ZNF804A: variants seen among roughly 807,000 people sequenced by gnomAD.
ZNF804A encodes the protein zinc finger protein 804A.
A neutral mutation model predicts 16.5 loss-of-function variants in ZNF804A; 2 were observed. The ratio of observed to expected loss-of-function variants is 0.12; its 90% CI spans 0.05 to 0.38. The LOEUF is 0.38. ZNF804A is among the 10% of genes least tolerant of loss of function. ZNF804A has a pLI of 0.99. For missense variants in ZNF804A, 1,473 were observed against 1,390.7 expected (o/e 1.06, Z -0.94); for synonymous variants, 534 against 489.6 (o/e 1.09, Z -1.20).
chr2:184,740,284 T>C (rs549304347), intron 1 of ZNF804A, among the ~76,000 whole-genome samples: 1 of 152,192 alleles, frequency 6.6e-6, no homozygotes, highest in Non-Finnish European at 1.5e-5. Flanking sequence ...GGTGAATATA[T>C]TTTAGAAATG....
At chr2:184,667,185 C>T (rs1321291345) in intron 1 of ZNF804A, among the ~76,000 whole-genome samples, 3 of 151,856 alleles carry the variant, frequency 2.0e-5, no homozygotes, top group Non-Finnish European at 4.4e-5. Flanking sequence ...GCCTTTAAGA[C>T]ATTCTTACTG....
chr2:184,743,525 A>G (rs1693739342), intron 1 of ZNF804A, among the ~76,000 whole-genome samples: 1 of 151,964 alleles, frequency 6.6e-6, no homozygotes, highest in Non-Finnish European at 1.5e-5. Flanking sequence ...ATTTTAAACA[A>G]ATGAAAGATA....
chr2:184,665,570 G>T (rs982392393), intron 1 of ZNF804A, among the ~76,000 whole-genome samples: 4 of 152,154 alleles, frequency 2.6e-5, no homozygotes, highest in African/African-American at 9.6e-5. Context: ...CAGAAATCTG[G>T]CACAGAATAA....
rs948731094 is a variant in ZNF804A, at chr2:184,904,305, T to C, written c.256-29298T>C. On this transcript the variant is annotated intron_variant, in intron 2 of 3. Coordinates refer to ENST00000302277, the MANE Select transcript of ZNF804A (RefSeq NM_194250.2). The stretch of plus-strand genomic sequence containing the variant: ...AAAAAATTTTTATTAATTTTGCATG[T>C]TACAGATAAGGAAACTAGTTAAACA... Among the ~76,000 whole-genome samples the C allele has an allele frequency of 2.1e-4, 32 of 152,106 alleles. 1 individual carries two copies. Among genetic ancestry groups the C allele is most frequent in the Admixed American group, 1.9e-3 (29 of 15,250 alleles).
chr2:184,866,603 TATTTA>T (rs1695880556), intron 2 of ZNF804A, 91 bp downstream of exon 2: 5 of 1,111,934 alleles, frequency 4.5e-6, no homozygotes, highest in Non-Finnish European at 3.7e-6. Context: ...ATGATATTCT[TATTTA>T]ATTTAATTTG....
At chr2:184,706,958 C>T (rs1693040103) in intron 1 of ZNF804A, among the ~76,000 whole-genome samples, 1 of 152,124 alleles carries the variant, frequency 6.6e-6, no homozygotes, top group African/African-American at 2.4e-5. Context: ...TTTAGTAAAG[C>T]ATATCAGCTT....
At position 184,618,546 on chromosome 2, in the gene ZNF804A, C is replaced by T. The variant is rs145960528; in HGVS notation, c.111+19476C>T. ...TAGGTCTCCATATCCATAGGTTTCA[C>T]AGGGCCTACCATGGAACGTTAGCAT... On this transcript the variant is annotated intron_variant, in intron 1 of 3. Coordinates refer to ENST00000302277, the MANE Select transcript of ZNF804A (RefSeq NM_194250.2). 3.6e-3 allele frequency among the ~76,000 whole-genome samples: 541 copies of T among 152,210 alleles called. 6 individuals are homozygous for T. The highest frequency in any genetic ancestry group is 0.012 in the African/African-American group (519 of 41,534).
chr2:184,692,247 G>A (rs933021458), intron 1 of ZNF804A, among the ~76,000 whole-genome samples: 1 of 152,156 alleles, frequency 6.6e-6, no homozygotes, highest in Non-Finnish European at 1.5e-5. Flanking sequence ...CGCACACACT[G>A]ATTCAGCACT....
At chr2:184,778,067 G>C (rs536195793) in intron 1 of ZNF804A, among the ~76,000 whole-genome samples, 1 of 151,620 alleles carries the variant, frequency 6.6e-6, no homozygotes, top group Admixed American at 6.6e-5. Flanking sequence ...TTCTACATTG[G>C]AATAAAAATA....
chr2:184,931,720 A>G (rs1043690183), intron 2 of ZNF804A, among the ~76,000 whole-genome samples: 1 of 152,162 alleles, frequency 6.6e-6, no homozygotes, highest in African/African-American at 2.4e-5. Flanking sequence ...ACTTATGCAA[A>G]TTTCCGCAGC....
intron 1 of ZNF804A, among the ~76,000 whole-genome samples, chr2:184,732,387 T>C (rs1693535199): frequency 6.6e-6 from 1 of 152,166 alleles, no homozygotes; most frequent in South Asian, 2.1e-4. Flanking sequence ...TCATGTTTCA[T>C]TGATCTATTT....
chr2:184,751,513 C>T (rs563237602), intron 1 of ZNF804A, among the ~76,000 whole-genome samples: 17 of 151,334 alleles, frequency 1.1e-4, no homozygotes, highest in African/African-American at 3.6e-4. Context: ...AAAATAGGCA[C>T]GTGACACTAC....
intron 1 of ZNF804A, among the ~76,000 whole-genome samples, chr2:184,607,407 A>G (rs1691166983): frequency 6.6e-6 from 1 of 152,150 alleles, no homozygotes; most frequent in Non-Finnish European, 1.5e-5. Context: ...AGGGGAAGCA[A>G]ACACACCCTT....
At position 184,740,449 on chromosome 2, in the gene ZNF804A, G is replaced by A. The variant is rs115796074; in HGVS notation, c.112-125920G>A. ...GACTGCACTTTGATTTTCTGATGAC[G>A]CTGAAGAACATGTCTCAAAACTCAG... On this transcript the variant is annotated intron_variant, in intron 1 of 3. Coordinates refer to ENST00000302277, the MANE Select transcript of ZNF804A (RefSeq NM_194250.2). Among the ~76,000 whole-genome samples the A allele has an allele frequency of 9.1e-3, 1,380 of 152,240 alleles. 23 individuals carry two copies. Among genetic ancestry groups the A allele is most frequent in the African/African-American group, 0.032 (1,318 of 41,542 alleles).
chr2:184,646,339 AGGTCCAGCTT>A (rs1343693988), intron 1 of ZNF804A, among the ~76,000 whole-genome samples: 4 of 152,204 alleles, frequency 2.6e-5, no homozygotes, highest in African/African-American at 9.6e-5. Context: ...ACTTGCAGCC[AGGTCCAGCTT>A]GGTGAACTGG....
intron 1 of ZNF804A, among the ~76,000 whole-genome samples, chr2:184,769,303 C>T (rs1208114616): frequency 6.6e-6 from 1 of 152,114 alleles, no homozygotes; most frequent in East Asian, 1.9e-4. Flanking sequence ...CGAGAACCTA[C>T]ATCCTGTATT....
At chr2:184,678,339 T>C (rs755179824) in intron 1 of ZNF804A, among the ~76,000 whole-genome samples, 32 of 152,142 alleles carry the variant, frequency 2.1e-4, no homozygotes, top group Non-Finnish European at 3.8e-4. Context: ...ATTTCCAGTA[T>C]TGATATTCAA....
intron 2 of ZNF804A, among the ~76,000 whole-genome samples, chr2:184,932,425 G>A (rs931251725): frequency 6.6e-6 from 1 of 152,140 alleles, no homozygotes; most frequent in Non-Finnish European, 1.5e-5. Context: ...ATGGAGGCAG[G>A]AAAGAGAGCA....
intron 1 of ZNF804A, among the ~76,000 whole-genome samples, chr2:184,779,211 C>T (rs1438835595): frequency 6.6e-6 from 1 of 151,666 alleles, no homozygotes; most frequent in Non-Finnish European, 1.5e-5. Flanking sequence ...CAGGTGTAGG[C>T]ATGACAACCA....
Sources: allele counts gnomAD v4.1 joint callset (sites outside exome capture counted in the v4.1 genomes callset), GRCh38; gene constraint gnomAD v4.1.1; transcripts MANE v1.5; gene names NCBI Gene and HGNC (gene_info 2026-07-23, HGNC 2026-07-21).